HIVEP3: variants seen among roughly 807,000 people sequenced by gnomAD.
HIVEP3 encodes the protein HIVEP zinc finger 3, also known as transcription factor HIVEP3.
A neutral mutation model predicts 152.8 loss-of-function variants in HIVEP3; 49 were observed. The ratio of observed to expected loss-of-function variants is 0.32; its 90% CI spans 0.26 to 0.41. The LOEUF (loss-of-function observed/expected upper bound fraction) is 0.41, where lower values mean the gene tolerates loss of function less well. HIVEP3 is among the 10% of genes least tolerant of loss of function. The probability of loss-of-function intolerance (pLI) is 1.00; values close to 1 mark genes in which losing one functional copy is unlikely to be tolerated. For synonymous variants in HIVEP3, 1,269 were observed against 1,289.0 expected (o/e 0.98, Z 0.33); for missense variants, 2,790 against 3,103.3 (o/e 0.90, Z 2.40).
Position 41,581,501 on chromosome 1 carries a change from C to T in HIVEP3, c.3297G>A (p.Pro1099=), listed in dbSNP as rs145651869. ...TGTCCTGCCCTGGGCCCTTGCCTCC[C>T]GGGGGTCCACCATGTGAGGTGGCCG... The part of the protein sequence containing the change: ...SSAATSHGGP[P]GGKGPGQDRP... The change falls in exon 4 of 9, where the codon CCG becomes CCA. Residue 1099 remains proline (P), a synonymous_variant. Coordinates refer to ENST00000372583, the MANE Select transcript of HIVEP3 (RefSeq NM_024503.5). The surrounding 1 kb of genome is among the most constrained non-coding windows in gnomAD (Gnocchi z 4.5). The T allele has an allele frequency of 2.7e-4, 424 of 1,577,110 alleles. No homozygotes were observed. The highest frequency in any genetic ancestry group is 3.5e-4 in the Non-Finnish European group (409 of 1,162,284).
intron 1 of HIVEP3, among the ~76,000 whole-genome samples, chr1:41,747,314 C>T (rs1190722425): frequency 6.6e-6 from 1 of 152,172 alleles, no homozygotes; most frequent in Non-Finnish European, 1.5e-5. Context: ...CAGGACACCC[C>T]CAGCTCCCAA....
intron 3 of HIVEP3, among the ~76,000 whole-genome samples, chr1:41,599,571 G>A (rs891417129): frequency 1.3e-5 from 2 of 152,068 alleles, no homozygotes; most frequent in African/African-American, 4.8e-5. Flanking sequence ...CCTGAAAATG[G>A]CAAAAGTTAA....
chr1:41,727,153 A>C (rs1386420249), intron 1 of HIVEP3, among the ~76,000 whole-genome samples: 9 of 152,122 alleles, frequency 5.9e-5, no homozygotes, highest in Non-Finnish European at 1.0e-4. Flanking sequence ...GGGTTTTTCT[A>C]TGTGCTAGTT....
chr1:41,897,557 G>A (rs538712374), intron 1 of HIVEP3, among the ~76,000 whole-genome samples: 2 of 152,252 alleles, frequency 1.3e-5, no homozygotes, highest in South Asian at 4.1e-4. Flanking sequence ...CTGCCCAGCC[G>A]CCAGAATAGT....
At chr1:41,925,522 G>A (rs1402870805) in intron 1 of HIVEP3, among the ~76,000 whole-genome samples, 1 of 152,132 alleles carries the variant, frequency 6.6e-6, no homozygotes, top group Non-Finnish European at 1.5e-5. Context: ...AGTAGGCTGA[G>A]GAGGAGGAAG....
chr1:41,662,760 G>C lies in HIVEP3; in HGVS notation c.-720-33813C>G, dbSNP rs1292063292. The stretch of plus-strand genomic sequence containing the variant: ...GTCTTTTCCTCCTGGGCCCTCTAGG[G>C]AGGGCAGACAGGGAAGCCCCTGTCG... On this transcript the variant is annotated intron_variant, in intron 2 of 8. Coordinates refer to ENST00000372583, the MANE Select transcript of HIVEP3 (RefSeq NM_024503.5). This position sits in a 1 kb window ranked among gnomAD's most constrained non-coding sequence, Gnocchi z 7.2. 2.0e-5 allele frequency among the ~76,000 whole-genome samples: 3 copies of C among 151,686 alleles called. No individual in the cohort carries two copies. The highest frequency in any genetic ancestry group is 4.4e-5 in the Non-Finnish European group (3 of 67,776).
chr1:41,819,125 C>T (rs1642508437), intron 1 of HIVEP3, among the ~76,000 whole-genome samples: 3 of 152,240 alleles, frequency 2.0e-5, no homozygotes, highest in African/African-American at 7.2e-5. Flanking sequence ...TCAGAGCCCA[C>T]TCTCCCTTTT....
intron 3 of HIVEP3, among the ~76,000 whole-genome samples, chr1:41,615,949 C>G (rs2149136678): frequency 6.8e-6 from 1 of 147,940 alleles, no homozygotes; most frequent in East Asian, 2.1e-4. Flanking sequence ...ATTAATAACT[C>G]CAAGACTCCT....
chr1:42,017,278 A>G (rs57295451), intron 1 of HIVEP3, among the ~76,000 whole-genome samples: 1,703 of 152,242 alleles, frequency 0.011, 25 homozygotes, highest in African/African-American at 0.038. Flanking sequence ...TTGGTTTAAG[A>G]ATTGAAGTAA....
intron 5 of HIVEP3, among the ~76,000 whole-genome samples, chr1:41,572,709 C>A (rs1302023094): frequency 6.6e-6 from 1 of 152,170 alleles, no homozygotes; most frequent in East Asian, 1.9e-4. Flanking sequence ...AAATGGAGGT[C>A]AAGAAAGAAA....
rs1366984625 is a variant in HIVEP3 at position 41,873,410 on chromosome 1, C to T, written c.-801+45003G>A. Reference sequence around the variant, plus strand: ...AGAATTTGGGGGATCCCGGCACCCACTGTTCTCAGCTTTGGGCCTCAGCTA... The same window carrying T: ...AGAATTTGGGGGATCCCGGCACCCATTGTTCTCAGCTTTGGGCCTCAGCTA... On this transcript the variant is annotated intron_variant, in intron 1 of 8. Coordinates refer to ENST00000372583, the MANE Select transcript of HIVEP3 (RefSeq NM_024503.5). This position sits in a 1 kb window ranked among gnomAD's most constrained non-coding sequence, Gnocchi z 4.2. Among the ~76,000 whole-genome samples, 1 of 152,214 alleles carries T rather than the reference C, an allele frequency of 6.6e-6. No individual in the cohort carries two copies. The highest frequency in any genetic ancestry group is 2.4e-5 in the African/African-American group (1 of 41,454).
At chr1:41,589,302 C>T (rs1048955353) in intron 3 of HIVEP3, among the ~76,000 whole-genome samples, 1 of 152,216 alleles carries the variant, frequency 6.6e-6, no homozygotes, top group African/African-American at 2.4e-5. Flanking sequence ...CAGAGACCAG[C>T]TTATAACCCT....
intron 2 of HIVEP3, among the ~76,000 whole-genome samples, chr1:41,635,263 C>T (rs1645251729): frequency 6.6e-6 from 1 of 151,920 alleles, no homozygotes; most frequent in South Asian, 2.1e-4. Flanking sequence ...CATTGAGAAC[C>T]CTACTTTTCA....
chr1:41,995,699 G>A (rs1645392129), intron 1 of HIVEP3, among the ~76,000 whole-genome samples: 1 of 152,192 alleles, frequency 6.6e-6, no homozygotes, highest in African/African-American at 2.4e-5. Context: ...TCAGGAGGGA[G>A]GTAAGTGGAG....
chr1:41,855,624 C>A (rs783313), intron 1 of HIVEP3, among the ~76,000 whole-genome samples: 5,577 of 152,256 alleles, frequency 0.037, 348 homozygotes, highest in African/African-American at 0.13. Flanking sequence ...CTCTTGAAGT[C>A]AAAAATCGAT....
intron 5 of HIVEP3, among the ~76,000 whole-genome samples, chr1:41,563,594 T>G (rs1644116274): frequency 6.6e-6 from 1 of 152,036 alleles, no homozygotes. Context: ...CAGTCAGCTA[T>G]GGGGAACTCG....
chr1:41,675,373 A>G (rs1227854500), intron 2 of HIVEP3, among the ~76,000 whole-genome samples: 1 of 150,414 alleles, frequency 6.6e-6, no homozygotes, highest in East Asian at 2.0e-4. Context: ...CATCCAGCGG[A>G]CTCCTCTTCA....
chr1:41,756,792 G>A (rs1404909193), intron 1 of HIVEP3, among the ~76,000 whole-genome samples: 1 of 152,192 alleles, frequency 6.6e-6, no homozygotes, highest in African/African-American at 2.4e-5. Flanking sequence ...CAAGCTCCCT[G>A]AGGGCAAGGA....
chr1:41,618,264 C>T (rs1167034463), intron 3 of HIVEP3, among the ~76,000 whole-genome samples: 1 of 152,228 alleles, frequency 6.6e-6, no homozygotes, highest in African/African-American at 2.4e-5. Context: ...TCCTTGCGCT[C>T]AGCAGACTCT....
Sources: allele counts gnomAD v4.1 joint callset (sites outside exome capture counted in the v4.1 genomes callset), GRCh38; gene constraint gnomAD v4.1.1; non-coding constraint Gnocchi (gnomAD v3.1); transcripts MANE v1.5; gene names NCBI Gene and HGNC (gene_info 2026-07-23, HGNC 2026-07-21).